The following NPAT variants were observed in gnomAD, a reference collection of about 807,000 sequenced individuals.
NPAT encodes the protein nuclear protein, coactivator of histone transcription, also known as protein NPAT.
In NPAT, 52 loss-of-function variants were observed where a neutral mutation model predicts 130.7. The observed-to-expected ratio is 0.40, with a 90% CI of 0.32 to 0.50. The LOEUF (loss-of-function observed/expected upper bound fraction) is 0.50. Ranked by LOEUF, NPAT falls within the 20% of genes least tolerant of loss-of-function variation. The pLI, the probability that NPAT is intolerant of heterozygous loss-of-function variation, is 0.68. For missense variants in NPAT, 1,687 were observed against 1,662.6 expected, an observed-to-expected ratio of 1.01 and a Z score of -0.26; for synonymous variants, 580 against 584.8, an observed-to-expected ratio of 0.99 and a Z score of 0.12.
chr11:108,164,758 T>A (rs1333888657), intron 15 of NPAT, among the ~76,000 whole-genome samples: 1 of 152,154 alleles, frequency 6.6e-6, no homozygotes, highest in Non-Finnish European at 1.5e-5. Flanking sequence ...ATGCCTGTAA[T>A]CCCAGCACTT....
At chr11:108,200,724 T>C (rs1246078099) in intron 1 of NPAT, among the ~76,000 whole-genome samples, 1 of 152,150 alleles carries the variant, frequency 6.6e-6, no homozygotes, top group Non-Finnish European at 1.5e-5. Context: ...ATATTGGATG[T>C]ACAAAAACCC....
At chr11:108,202,378 T>C (rs1276734191) in intron 1 of NPAT, among the ~76,000 whole-genome samples, 1 of 152,120 alleles carries the variant, frequency 6.6e-6, no homozygotes, top group Non-Finnish European at 1.5e-5. Flanking sequence ...CTGATCCACT[T>C]GAGGCCCCTC....
Position 108,176,315 on chromosome 11 carries a change from T to C in NPAT, c.1063A>G (p.Asn355Asp), listed in dbSNP as rs756851919. The change falls in exon 12 of 18, where the codon AAT becomes GAT. Residue 355 changes from asparagine to aspartate, a missense_variant. By Grantham distance (23) the Asn-to-Asp change is conservative. Around this residue, in one of 3 missense-constraint regions of NPAT, gnomAD observed 1,379 missense variants for 1,346.6 expected, o/e 1.02. Transcript: ENST00000278612. ...TCATCTGCTAAGACTATACTGGGAT[T>C]GGATTCCATAGGTTGACTGGAAATA... ...QSISSQPMES[N>D]PSIVLADETN... The C allele has an allele frequency of 7.0e-6, 11 of 1,573,272 alleles. No homozygotes were observed. In the South Asian group the frequency reaches 1.0e-4, roughly 14 times the overall value.
intron 2 of NPAT, among the ~76,000 whole-genome samples, chr11:108,195,708 G>C (rs2078213147): frequency 6.6e-6 from 1 of 152,032 alleles, no homozygotes; most frequent in Non-Finnish European, 1.5e-5. Flanking sequence ...GCTCACAACA[G>C]CCCTGACCTC....
chr11:108,206,482 C>T (rs1320270832), intron 1 of NPAT, among the ~76,000 whole-genome samples: 2 of 152,184 alleles, frequency 1.3e-5, no homozygotes, highest in African/African-American at 4.8e-5. Flanking sequence ...CACTGGCTCC[C>T]TGTGAGGTTG....
intron 1 of NPAT, among the ~76,000 whole-genome samples, chr11:108,210,640 G>T (rs1217170479): frequency 6.6e-6 from 1 of 152,098 alleles, no homozygotes; most frequent in Non-Finnish European, 1.5e-5. Context: ...CAGACTAATA[G>T]ACCCAAACTA....
At chr11:108,189,426 G>T in intron 5 of NPAT, 96 bp from the exon 6 acceptor site, 1 of 983,052 alleles carries the variant, frequency 1.0e-6, no homozygotes, top group Non-Finnish European at 1.6e-6. Context: ...ATAACAACGT[G>T]TTACATCCAC....
intron 15 of NPAT, among the ~76,000 whole-genome samples, chr11:108,165,717 G>A (rs1037480435): frequency 9.9e-5 from 15 of 150,858 alleles, no homozygotes; most frequent in East Asian, 2.0e-4. Context: ...TGCAAGCTCC[G>A]CCTCCCAGGT....
chr11:108,180,188 A>C (rs1344900923), intron 10 of NPAT, among the ~76,000 whole-genome samples: 1 of 152,124 alleles, frequency 6.6e-6, no homozygotes, highest in Non-Finnish European at 1.5e-5. Context: ...TTAGCCAGGC[A>C]TGGTGACACA....
intron 1 of NPAT, among the ~76,000 whole-genome samples, chr11:108,221,588 C>T (rs537025257): frequency 1.3e-5 from 2 of 152,174 alleles, no homozygotes; most frequent in Admixed American, 1.3e-4. Flanking sequence ...AATGGGTTTT[C>T]CGAACAATAA....
intron 15 of NPAT, among the ~76,000 whole-genome samples, chr11:108,168,160 ACTT>A (rs72165310): frequency 0.019 from 2,929 of 152,214 alleles, 89 homozygotes; most frequent in African/African-American, 0.066. Flanking sequence ...GAGAAGATAT[ACTT>A]CTTCTCTATT....
chr11:108,190,505 CA>C lies in NPAT; in HGVS notation c.291-6del. 2 of 1,612,978 alleles carry C rather than the reference CA, an allele frequency of 1.2e-6. No individual in the cohort carries two copies. Among genetic ancestry groups the C allele is most frequent in the Non-Finnish European group, 1.7e-6 (2 of 1,179,034 alleles). On this transcript the variant is annotated splice_polypyrimidine_tract_variant and splice_region_variant and intron_variant, in intron 4 of 17. Coordinates refer to ENST00000278612, the MANE Select transcript of NPAT (RefSeq NM_002519.3). ...CTTGGGGAACTTTGCATGCTCCTAA[CA>C]AAGAAAACAAAGTAGTTATCCATCA...
At chr11:108,211,932 A>T (rs2078387427) in intron 1 of NPAT, among the ~76,000 whole-genome samples, 4 of 152,188 alleles carry the variant, frequency 2.6e-5, no homozygotes, top group Admixed American at 2.6e-4. Flanking sequence ...CCTGGATGAC[A>T]GAGTAAGAAC....
intron 2 of NPAT, among the ~76,000 whole-genome samples, chr11:108,197,065 C>T (rs1453399525): frequency 5.9e-5 from 9 of 151,708 alleles, no homozygotes; most frequent in South Asian, 2.1e-4. Context: ...TAATCAGAAA[C>T]GAGGGTGTCA....
chr11:108,214,028 G>C (rs901757568), intron 1 of NPAT, among the ~76,000 whole-genome samples: 2 of 152,088 alleles, frequency 1.3e-5, no homozygotes, highest in Non-Finnish European at 1.5e-5. Context: ...GCTAGGACTA[G>C]AGGCATGTAC....
intron 3 of NPAT, 118 bp downstream of exon 3, chr11:108,193,839 G>C (rs895195493): frequency 1.1e-4 from 72 of 658,858 alleles, no homozygotes; most frequent in Non-Finnish European, 1.6e-4. Context: ...TTACAACAGG[G>C]ACAAGTTTTT....
rs2077850416 is a variant in NPAT at position 108,161,603 on chromosome 11, A to T, written c.3483T>A (p.His1161Gln). The change falls in exon 17 of 18, where the codon CAT (histidine) becomes CAA (glutamine). Residue 1161 changes from histidine to glutamine, a missense_variant. Transcript: ENST00000278612. Reference sequence around the variant, plus strand: ...CATTCTCCTTATTAGCTGTTGCTTTATGGAAAGATTCAAGCACAATTTCTG... The same window carrying T: ...CATTCTCCTTATTAGCTGTTGCTTTTTGGAAAGATTCAAGCACAATTTCTG... ...SPTEIVLESF[H>Q]KATANKENEL... The T allele has an allele frequency of 6.2e-7, 1 of 1,613,988 alleles. No individual in the cohort carries two copies.
In NPAT at chr11:108,190,485, G is replaced by T. The variant is rs1330180289; in HGVS notation, c.306C>A (p.Ser102=). Residue 102 remains serine (S), a synonymous_variant, in exon 5 of 18, where the codon TCC becomes TCA. Transcript: ENST00000278612. ...CTCTCTGACTGCCAGCAAACCTTGGGGAACTTTGCATGCTCCTAACAAAGA... is the reference window on the plus strand; with the variant it reads ...CTCTCTGACTGCCAGCAAACCTTGGTGAACTTTGCATGCTCCTAACAAAGA... ...TLSQIRSMQS[S]PRFAGSQRAR... 1 of 1,613,838 alleles carries T rather than the reference G, an allele frequency of 6.2e-7. No homozygotes were observed. The highest frequency in any genetic ancestry group is 1.1e-5 in the South Asian group (1 of 91,072).
chr11:108,191,692 C>T (rs1388139599), intron 4 of NPAT, among the ~76,000 whole-genome samples: 1 of 152,148 alleles, frequency 6.6e-6, no homozygotes, highest in East Asian at 1.9e-4. Flanking sequence ...AAATTGATAA[C>T]AGAAGATTTC....
Sources: allele counts gnomAD v4.1 joint callset (sites outside exome capture counted in the v4.1 genomes callset), GRCh38; gene constraint gnomAD v4.1.1; regional missense constraint gnomAD v4.1.1; transcripts MANE v1.5; gene names NCBI Gene and HGNC (gene_info 2026-07-23, HGNC 2026-07-21).